The following PRMT3 variants were observed in gnomAD, a reference collection of about 807,000 sequenced individuals.
PRMT3 encodes the protein protein arginine N-methyltransferase 3.
Under a neutral mutation model 71.9 loss-of-function variants are expected in PRMT3, and 62 were observed. The observed-to-expected ratio is 0.86, with a 90% CI of 0.70 to 1.07. PRMT3 has a LOEUF of 1.07. Among genes scored for constraint, PRMT3 ranks in the 50% least tolerant of loss-of-function variants. The pLI is 0.00. For synonymous variants in PRMT3, 213 were observed against 220.4 expected (o/e 0.97, Z 0.30); for missense variants, 663 against 643.0 (o/e 1.03, Z -0.34).
chr11:20,500,045 C>T (rs188718804), intron 15 of PRMT3, among the ~76,000 whole-genome samples: 2 of 152,284 alleles, frequency 1.3e-5, no homozygotes, highest in Admixed American at 1.3e-4. Context: ...CAATATCCCC[C>T]AGCCTGGAAT....
chr11:20,508,534 C>T lies in PRMT3; in HGVS notation c.*121C>T, dbSNP rs763066003. Reference sequence around the variant, plus strand: ...GATGGACCCTTTCCTAATGAGCCTCCTCAATAAGAGAGAAGTTCTCATTGT... The same window carrying T: ...GATGGACCCTTTCCTAATGAGCCTCTTCAATAAGAGAGAAGTTCTCATTGT... On this transcript the variant is annotated 3_prime_UTR_variant, in exon 16 of 16. Transcript: ENST00000331079. 2.7e-6 allele frequency: 2 copies of T among 741,228 alleles called. No individual in the cohort carries two copies. The highest frequency in any genetic ancestry group is 5.3e-5 in the East Asian group (2 of 37,818). 45.9% of individuals were successfully genotyped at this position (741,228 alleles called of 1,614,324 possible).
chr11:20,466,553 G>A (rs1850517079), intron 13 of PRMT3, among the ~76,000 whole-genome samples: 2 of 152,126 alleles, frequency 1.3e-5, no homozygotes, highest in African/African-American at 4.8e-5. Flanking sequence ...CTGTCAGTAA[G>A]TTTTGGAAAG....
In PRMT3 at chr11:20,493,937, G is replaced by T; in HGVS notation, c.1366G>T (p.Asp456Tyr). 1 of 1,588,884 alleles carries T rather than the reference G, an allele frequency of 6.3e-7. No individual in the cohort carries two copies. The highest frequency in any genetic ancestry group is 8.6e-7 in the Non-Finnish European group (1 of 1,162,552). ...AAAACAGGCAATTGCTGGCTACTTT[G>T]ATATATATTTTGAGAAGAATTGCCA... is the stretch of plus-strand genomic sequence containing the variant. Reference protein sequence around the residue: ...SMCTAIAGYFDIYFEKNCHNR... With the variant: ...SMCTAIAGYFYIYFEKNCHNR... Residue 456 changes from aspartate to tyrosine, a missense_variant, in exon 14 of 16, where the codon GAT becomes TAT. By Grantham distance (160) the Asp-to-Tyr change is radical (BLOSUM62 -3). Transcript: ENST00000331079.
intron 13 of PRMT3, among the ~76,000 whole-genome samples, chr11:20,483,115 C>CT (rs1206439908): frequency 1.6e-4 from 24 of 152,064 alleles, no homozygotes; most frequent in African/African-American, 5.3e-4. Context: ...TGTTCCATCT[C>CT]TTAATTTATA....
rs146488610 is a variant in PRMT3 at position 20,388,151 on chromosome 11, A to T, written c.161A>T (p.Asn54Ile). ...GKQQTPCLFC[N>I]RLFTSAEETF... ...CAGCAGACCCCCTGCCTGTTCTGTAACAGGTTCGTCCGCCTCAGCGCCTGG... is the reference window on the plus strand; with the variant it reads ...CAGCAGACCCCCTGCCTGTTCTGTATCAGGTTCGTCCGCCTCAGCGCCTGG... Residue 54 changes from asparagine (N) to isoleucine (I), a missense_variant, in exon 2 of 16, where the codon AAC becomes ATC. Transcript: ENST00000331079. The T allele has an allele frequency of 1.1e-5, 18 of 1,613,730 alleles. No individual in the cohort carries two copies. The highest frequency in any genetic ancestry group is 1.4e-5 in the Non-Finnish European group (17 of 1,179,978).
intron 9 of PRMT3, among the ~76,000 whole-genome samples, chr11:20,419,949 ATTACT>A (rs1358049306): frequency 2.6e-5 from 4 of 152,180 alleles, no homozygotes; most frequent in African/African-American, 9.7e-5. Flanking sequence ...AGGTAGGTGA[ATTACT>A]TTAGGCCAGG....
chr11:20,434,946 A>T (rs1184337114), intron 10 of PRMT3, among the ~76,000 whole-genome samples: 1 of 152,206 alleles, frequency 6.6e-6, no homozygotes, highest in Non-Finnish European at 1.5e-5. Flanking sequence ...GATAGGAATA[A>T]CATTGAATCT....
chr11:20,439,765 T>C (rs1849844519), intron 10 of PRMT3, among the ~76,000 whole-genome samples: 1 of 152,186 alleles, frequency 6.6e-6, no homozygotes. Flanking sequence ...CAACCATGTT[T>C]ATGTGGAGTT....
chr11:20,471,787 T>G (rs986544847), intron 13 of PRMT3, among the ~76,000 whole-genome samples: 12 of 152,230 alleles, frequency 7.9e-5, no homozygotes, highest in Non-Finnish European at 1.8e-4. Flanking sequence ...TACATTACTT[T>G]GGGAAGTATG....
At chr11:20,395,750 CT>C (rs1235785669) in intron 5 of PRMT3, 52 bp from the exon 6 acceptor site, 1 of 1,525,620 alleles carries the variant, frequency 6.6e-7, no homozygotes, top group African/African-American at 1.4e-5. Context: ...CATATTTATA[CT>C]TGTTTTATTG....
intron 9 of PRMT3, among the ~76,000 whole-genome samples, chr11:20,414,082 T>C (rs747703562): frequency 1.2e-4 from 19 of 152,244 alleles, no homozygotes; most frequent in Non-Finnish European, 2.8e-4. Flanking sequence ...AAAATAATTT[T>C]TGGCTAGGCA....
chr11:20,482,671 A>G (rs894977568), intron 13 of PRMT3, among the ~76,000 whole-genome samples: 4 of 152,032 alleles, frequency 2.6e-5, no homozygotes, highest in African/African-American at 9.7e-5. Context: ...TAATCTTCCC[A>G]AGTTCAGGCT....
At chr11:20,433,489 A>G (rs1849697957) in intron 10 of PRMT3, among the ~76,000 whole-genome samples, 1 of 151,980 alleles carries the variant, frequency 6.6e-6, no homozygotes, top group South Asian at 2.1e-4. Flanking sequence ...CCAATTCCGT[A>G]TCTTTGTTAT....
chr11:20,432,744 G>A (rs973321869), intron 10 of PRMT3, among the ~76,000 whole-genome samples: 9 of 151,990 alleles, frequency 5.9e-5, no homozygotes, highest in Admixed American at 1.3e-4. Context: ...GATAACAGCC[G>A]TTCTAACTGG....
At chr11:20,388,293 G>T in intron 2 of PRMT3, 139 bp downstream of exon 2, 1 of 1,290,152 alleles carries the variant, frequency 7.8e-7, no homozygotes, top group Non-Finnish European at 1.1e-6. Flanking sequence ...TGGGGTGAGG[G>T]CTTGTGGAGA....
At chr11:20,457,521 T>C (rs1850294375) in intron 11 of PRMT3, among the ~76,000 whole-genome samples, 1 of 152,366 alleles carries the variant, frequency 6.6e-6, no homozygotes, top group East Asian at 1.9e-4. Context: ...ACATGAAGAT[T>C]ATAATCCAAC....
At position 20,451,770 on chromosome 11, in the gene PRMT3, G is replaced by A. The variant is rs536683705; in HGVS notation, c.994-360G>A. 9.2e-5 allele frequency among the ~76,000 whole-genome samples: 14 copies of A among 152,192 alleles called. No individual in the cohort carries two copies. The East Asian group carries it at 2.7e-3, about 29-fold the overall frequency. On this transcript the variant is annotated intron_variant, in intron 10 of 15. Coordinates refer to ENST00000331079, the MANE Select transcript of PRMT3 (RefSeq NM_005788.4). ...CGTGTTCCCCAGCAGGCAAAATCAA[G>A]TGGAGAACCACTGCTCTAGATGGAT...
At chr11:20,403,666 A>ATTTT (rs1342468329) in intron 8 of PRMT3, among the ~76,000 whole-genome samples, 1 of 151,730 alleles carries the variant, frequency 6.6e-6, no homozygotes, top group Non-Finnish European at 1.5e-5. Flanking sequence ...GTTACTTAAA[A>ATTTT]GTTCAGGTTT....
In PRMT3 at chr11:20,455,393, G is replaced by A. The variant is rs188894999; in HGVS notation, c.1072+3185G>A. On this transcript the variant is annotated intron_variant, in intron 11 of 15. Coordinates refer to ENST00000331079, the MANE Select transcript of PRMT3 (RefSeq NM_005788.4). Reference sequence around the variant, plus strand: ...AATTATTAAGTACATTTAGCACTACGAAGCTAACATTAAATTGAGTGATGA... The same window carrying A: ...AATTATTAAGTACATTTAGCACTACAAAGCTAACATTAAATTGAGTGATGA... Among the ~76,000 whole-genome samples, 5 of 152,230 alleles carry A rather than the reference G, an allele frequency of 3.3e-5. No individual in the cohort carries two copies. In the East Asian group the frequency reaches 5.8e-4, roughly 18 times the overall value.
Sources: gnomAD v4.1 joint callset for allele counts (sites outside exome capture counted in the v4.1 genomes callset) on GRCh38, gnomAD v4.1.1 for gene constraint, MANE v1.5 for transcripts, NCBI Gene and HGNC (gene_info 2026-07-23, HGNC 2026-07-21) for gene names.